Variants in IL16 observed in about 807,000 individuals in gnomAD.
IL16 encodes pro-interleukin-16.
Under a neutral mutation model 110.1 loss-of-function variants are expected in IL16, and 67 were observed. The observed-to-expected ratio is 0.61, with a 90% CI of 0.50 to 0.75. The LOEUF (loss-of-function observed/expected upper bound fraction) is 0.75. IL16 is among the 30% of genes least tolerant of loss of function. The pLI, the probability that IL16 is intolerant of heterozygous loss-of-function variation, is 0.00. For synonymous variants in IL16, 689 were observed against 662.9 expected (o/e 1.04, Z -0.61); for missense variants, 1,545 against 1,655.0 (o/e 0.93, Z 1.15).
rs1187270434 is a variant in IL16 at position 81,313,314 on chromosome 15, CG to C, written c.*4521del. On this transcript the variant is annotated 3_prime_UTR_variant, in exon 19 of 19. Transcript: ENST00000683961. ...GTTGGCATAAAACCGGGTCATGCTGCGGGGGAAGAAGGAGTCCACCACGTTC... is the reference window on the plus strand; with the variant it reads ...GTTGGCATAAAACCGGGTCATGCTGCGGGGAAGAAGGAGTCCACCACGTTC... 3 of 1,577,414 alleles carry C rather than the reference CG, an allele frequency of 1.9e-6. No homozygotes were observed. The highest frequency in any genetic ancestry group is 1.4e-5 in the African/African-American group (1 of 73,222).
chr15:81,308,603 A>G lies in IL16; in HGVS notation c.3806-2A>G, dbSNP rs1900690191. On this transcript the variant is annotated splice_acceptor_variant, in intron 18 of 18. Coordinates refer to ENST00000683961, the MANE Select transcript of IL16 (RefSeq NM_172217.5). LOFTEE classifies it high-confidence loss of function. The stretch of plus-strand genomic sequence containing the variant: ...AACCCATTACCTTCTCCCTCATTTC[A>G]GGAGCAGCCTCAGAACAAAGTGAGA... 3 of 1,593,510 alleles carry G rather than the reference A, an allele frequency of 1.9e-6. No homozygotes were observed. The highest frequency in any genetic ancestry group is 2.6e-6 in the Non-Finnish European group (3 of 1,171,240).
intron 3 of IL16, among the ~76,000 whole-genome samples, chr15:81,263,307 A>G (rs1366300774): frequency 3.3e-5 from 5 of 151,094 alleles, no homozygotes; most frequent in Non-Finnish European, 2.9e-5. Context: ...GCTTTTTTGT[A>G]TATAATCATG....
chr15:81,295,355 G>A, intron 12 of IL16: 1 of 1,214,346 alleles, frequency 8.2e-7, no homozygotes, highest in South Asian at 1.4e-5. Context: ...AGTCTCCCAT[G>A]AAGAGGATGC....
intron 2 of IL16, among the ~76,000 whole-genome samples, chr15:81,244,869 T>C (rs1456895793): frequency 2.6e-5 from 4 of 152,180 alleles, no homozygotes; most frequent in Non-Finnish European, 5.9e-5. Context: ...TCCCAGTCTA[T>C]TTTTCTCTGT....
chr15:81,300,068 C>A lies in IL16; in HGVS notation c.2742C>A (p.Ala914=). The part of the protein sequence containing the change: ...LSSGSPAASE[A]RDPGVSESPP... The stretch of plus-strand genomic sequence containing the variant: ...CGGGGTCCCCTGCAGCCTCCGAGGC[C>A]AGAGACCCAGGTGTGTCTGAGTCCC... The change falls in exon 14 of 19, where the codon GCC becomes GCA. Residue 914 remains alanine (A), a synonymous_variant. Coordinates refer to ENST00000683961, the MANE Select transcript of IL16 (RefSeq NM_172217.5). 6.4e-7 allele frequency: 1 copy of A among 1,567,168 alleles called. No homozygotes were observed. Among genetic ancestry groups the A allele is most frequent in the South Asian group, 1.2e-5 (1 of 82,550 alleles).
chr15:81,276,307 TA>T (rs57819897), intron 6 of IL16, among the ~76,000 whole-genome samples: 4,135 of 152,200 alleles, frequency 0.027, 187 homozygotes, highest in African/African-American at 0.095. Context: ...AAAATCAAAA[TA>T]AAGACGTGGA....
At chr15:81,282,594 A>G (rs1899229725) in intron 8 of IL16, 45 bp from the exon 9 acceptor site, 2 of 1,447,914 alleles carry the variant, frequency 1.4e-6, no homozygotes, top group African/African-American at 2.8e-5. Flanking sequence ...GCCCCCTGGG[A>G]AAGCTCAGTC....
intron 2 of IL16, among the ~76,000 whole-genome samples, chr15:81,250,760 C>T (rs1490034994): frequency 6.6e-6 from 1 of 152,198 alleles, no homozygotes; most frequent in Non-Finnish European, 1.5e-5. Context: ...GATTATTCCT[C>T]TGGGGGGAAG....
At chr15:81,208,402 C>T (rs1896114030) in intron 1 of IL16, among the ~76,000 whole-genome samples, 3 of 152,192 alleles carry the variant, frequency 2.0e-5, no homozygotes, top group Non-Finnish European at 2.9e-5. Context: ...TCTCAGCTTA[C>T]TGCAATCTCT....
At chr15:81,252,890 G>A (rs996759176) in intron 2 of IL16, among the ~76,000 whole-genome samples, 3 of 152,090 alleles carry the variant, frequency 2.0e-5, no homozygotes, top group Admixed American at 1.3e-4. Context: ...AATGGACACA[G>A]GTTGTTTCTA....
At chr15:81,205,793 C>A (rs1414269233) in intron 1 of IL16, among the ~76,000 whole-genome samples, 1 of 152,092 alleles carries the variant, frequency 6.6e-6, no homozygotes, top group East Asian at 1.9e-4. Context: ...AAAACTTAAT[C>A]ACATAAAGTT....
intron 10 of IL16, among the ~76,000 whole-genome samples, chr15:81,287,134 C>T (rs1567037625): frequency 6.6e-6 from 1 of 152,160 alleles, no homozygotes; most frequent in Non-Finnish European, 1.5e-5. Context: ...CAACATGAGG[C>T]AATGCTTGGG....
At chr15:81,302,809 C>T (rs1313154438) in intron 15 of IL16, among the ~76,000 whole-genome samples, 1 of 152,144 alleles carries the variant, frequency 6.6e-6, no homozygotes, top group East Asian at 1.9e-4. Flanking sequence ...TTCTGTATGC[C>T]TACGTAGAGC....
chr15:81,240,617 C>G (rs78853173), intron 2 of IL16, among the ~76,000 whole-genome samples: 2 of 152,036 alleles, frequency 1.3e-5, no homozygotes, highest in Non-Finnish European at 2.9e-5. Flanking sequence ...TAACGTTGTA[C>G]GTATATAAAC....
At position 81,285,683 on chromosome 15, in the gene IL16, T is replaced by C; in HGVS notation, c.1200-15T>C. The C allele has an allele frequency of 6.2e-7, 1 of 1,613,594 alleles. No homozygotes were observed. The highest frequency in any genetic ancestry group is 8.5e-7 in the Non-Finnish European group (1 of 1,179,706). ...TGATTCACTTACTGATGGCTTCTTA[T>C]TGATGCTTGCACAGGTGTGGGGACG... On this transcript the variant is annotated splice_polypyrimidine_tract_variant and intron_variant, in intron 9 of 18. Coordinates refer to ENST00000683961, the MANE Select transcript of IL16 (RefSeq NM_172217.5).
chr15:81,295,368 T>C (rs976245426), intron 12 of IL16: 2 of 1,245,238 alleles, frequency 1.6e-6, no homozygotes, highest in African/African-American at 3.1e-5. Context: ...GAGGATGCAA[T>C]ATTGGATGTG....
chr15:81,301,272 G>A, intron 14 of IL16, 72 bp from the exon 15 acceptor site: 2 of 1,394,840 alleles, frequency 1.4e-6, no homozygotes, highest in Non-Finnish European at 2.0e-6. Context: ...CTGGGACATA[G>A]TAATTATACA....
chr15:81,278,843 G>T lies in IL16; in HGVS notation c.817G>T (p.Glu273Ter). 1.9e-6 allele frequency: 3 copies of T among 1,613,144 alleles called. No homozygotes were observed. The highest frequency in any genetic ancestry group is 2.5e-6 in the Non-Finnish European group (3 of 1,179,070). The change falls in exon 7 of 19, where the codon GAA becomes TAA. Residue 273 changes from glutamate (E) to a stop codon, truncating the protein, a stop_gained. Transcript: ENST00000683961. LOFTEE classifies it high-confidence loss of function. ...EGDEILELNG[E>*]SMAGLTHQDA... ...TGATGAAATTCTGGAGCTCAATGGT[G>T]AATCAATGGCTGGACTAACACATCA...
At chr15:81,201,553 C>T (rs1895814737) in intron 1 of IL16, among the ~76,000 whole-genome samples, 1 of 152,142 alleles carries the variant, frequency 6.6e-6, no homozygotes, top group East Asian at 1.9e-4. Flanking sequence ...TTCCAGTAGG[C>T]AGATCATATT....
Sources: allele counts gnomAD v4.1 joint callset (sites outside exome capture counted in the v4.1 genomes callset), GRCh38; gene constraint gnomAD v4.1.1; transcripts MANE v1.5; gene names NCBI Gene and HGNC (gene_info 2026-07-23, HGNC 2026-07-21).